The following TMEM63A variants were observed in gnomAD, a reference collection of about 807,000 sequenced individuals.
The protein encoded by TMEM63A is mechanosensitive cation channel TMEM63A.
Under a neutral mutation model 100.6 loss-of-function variants are expected in TMEM63A, and 76 were observed. The observed-to-expected ratio is 0.76, with a 90% CI of 0.63 to 0.91. The LOEUF (loss-of-function observed/expected upper bound fraction) is 0.91. TMEM63A is among the 40% of genes least tolerant of loss of function. The pLI is 0.00. For missense variants in TMEM63A, 876 were observed against 1,008.8 expected, an observed-to-expected ratio of 0.87 and a Z score of 1.78; for synonymous variants, 401 against 401.1, an observed-to-expected ratio of 1.00 and a Z score of 0.00.
chr1:225,882,004 C>A (rs1461838637), intron 1 of TMEM63A, among the ~76,000 whole-genome samples: 1 of 152,244 alleles, frequency 6.6e-6, no homozygotes, highest in Non-Finnish European at 1.5e-5. Context: ...AGGTCGGACT[C>A]CGCCGACAAA....
chr1:225,848,581 T>C (rs1469682621), intron 22 of TMEM63A, 27 bp from the exon 23 acceptor site: 1 of 1,613,212 alleles, frequency 6.2e-7, no homozygotes, highest in African/African-American at 1.3e-5. Flanking sequence ...AAACTTGCGA[T>C]GATAAACAAA....
At chr1:225,840,943 T>A (rs1037230919), downstream of TMEM63A, 2 of 151,040 alleles carry the variant, frequency 1.3e-5, no homozygotes, top group Non-Finnish European at 3.0e-5. Context: ...AAATACATGT[T>A]GTCAAAAAGC....
At position 225,879,425 on chromosome 1, in the gene TMEM63A, A is replaced by C. The variant is rs184630404; in HGVS notation, c.-205-15T>G. 6.6e-6 allele frequency: 1 copy of C among 152,616 alleles called. No homozygotes were observed. The highest frequency in any genetic ancestry group is 1.9e-4 in the East Asian group (1 of 5,182). The allele number at this position is 152,616 out of a possible 1,614,324, so 9.5% of individuals were successfully genotyped here. A position where few individuals can be genotyped will look rare whatever the true frequency, so the allele number is the denominator to read the frequency against. ...TGTAGACTTTCCTGAAGGATCACAGACACCAAGCATCACATGGGAGCCACC... is the reference window on the plus strand; with the variant it reads ...TGTAGACTTTCCTGAAGGATCACAGCCACCAAGCATCACATGGGAGCCACC... On this transcript the variant is annotated splice_polypyrimidine_tract_variant and intron_variant, in intron 1 of 24. Coordinates refer to ENST00000366835, the MANE Select transcript of TMEM63A (RefSeq NM_014698.3).
intron 23 of TMEM63A, among the ~76,000 whole-genome samples, chr1:225,847,818 C>T (rs750589627): frequency 6.6e-6 from 1 of 152,138 alleles, no homozygotes; most frequent in South Asian, 2.1e-4. Context: ...GGACAGACAC[C>T]GATAAGAGAG....
chr1:225,854,203 A>C (rs1669498461), intron 18 of TMEM63A, among the ~76,000 whole-genome samples: 1 of 152,226 alleles, frequency 6.6e-6, no homozygotes, highest in Non-Finnish European at 1.5e-5. Flanking sequence ...ACAGGATTCC[A>C]GGGAAAGGGA....
At chr1:225,847,283 C>T (rs1669062177) in intron 23 of TMEM63A, 70 bp from the exon 24 acceptor site, 1 of 1,551,974 alleles carries the variant, frequency 6.4e-7, no homozygotes, top group African/African-American at 1.4e-5. Context: ...TCCCCTCCTG[C>T]CCTTCTCCCA....
In TMEM63A at chr1:225,871,131, A is replaced by G; in HGVS notation, c.334-18T>C. The G allele has an allele frequency of 6.2e-7, 1 of 1,613,168 alleles. No individual in the cohort carries two copies. The highest frequency in any genetic ancestry group is 1.7e-4 in the Middle Eastern group (1 of 6,060). Reference sequence around the variant, plus strand: ...CAGCATCCCTGGAAACGGAGAGAACAGGGATTAGCTTCCAACATTTGTGTC... The same window carrying G: ...CAGCATCCCTGGAAACGGAGAGAACGGGGATTAGCTTCCAACATTTGTGTC... On this transcript the variant is annotated intron_variant, in intron 5 of 24. Transcript: ENST00000366835.
intron 6 of TMEM63A, among the ~76,000 whole-genome samples, chr1:225,869,024 G>A (rs1670360312): frequency 1.3e-5 from 2 of 152,248 alleles, no homozygotes; most frequent in South Asian, 4.1e-4. Flanking sequence ...GGCTGGGAAA[G>A]CAGTGCTTTG....
At chr1:225,871,021 C>T in intron 6 of TMEM63A, 55 bp downstream of exon 6, 1 of 1,598,784 alleles carries the variant, frequency 6.3e-7, no homozygotes, top group Non-Finnish European at 8.6e-7. Flanking sequence ...ACTGGCCAAA[C>T]ACCCAAAAAA....
Position 225,872,033 on chromosome 1 carries a change from A to G in TMEM63A, c.287T>C (p.Leu96Ser). The change falls in exon 5 of 25, where the codon TTG (leucine) becomes TCG (serine). Residue 96 changes from leucine (L) to serine (S), a missense_variant. By Grantham distance (145) the Leu-to-Ser change is moderately radical. Coordinates refer to ENST00000366835, the MANE Select transcript of TMEM63A (RefSeq NM_014698.3). ...EADSESRFQR[L>S]SSTSSSGQQD... The stretch of plus-strand genomic sequence containing the variant: ...TTGACCTGAGGAGGAAGTCGATGAC[A>G]ATCTCTGAAATCTGGACTCGCTAGA... 1.2e-6 allele frequency: 2 copies of G among 1,613,280 alleles called. No homozygotes were observed. Among genetic ancestry groups the G allele is most frequent in the African/African-American group, 1.3e-5 (1 of 74,982 alleles).
At chr1:225,877,916 G>A (rs1489619743) in intron 2 of TMEM63A, among the ~76,000 whole-genome samples, 2 of 152,122 alleles carry the variant, frequency 1.3e-5, no homozygotes, top group Non-Finnish European at 2.9e-5. Context: ...GTCTTAAGAA[G>A]TCCTAAAGTT....
chr1:225,881,868 C>T (rs1014215324), intron 1 of TMEM63A, among the ~76,000 whole-genome samples: 37 of 150,198 alleles, frequency 2.5e-4, no homozygotes, highest in African/African-American at 1.5e-4. Context: ...GAAGTGGTCA[C>T]CCAGGAACAG....
At position 225,871,072 on chromosome 1, in the gene TMEM63A, T is replaced by G. The variant is rs1007060618; in HGVS notation, c.371+4A>C. The G allele has an allele frequency of 5.6e-5, 90 of 1,613,886 alleles. No individual in the cohort carries two copies. Among genetic ancestry groups the G allele is most frequent in the Non-Finnish European group, 7.5e-5 (89 of 1,179,906 alleles). On this transcript the variant is annotated splice_donor_region_variant and intron_variant, in intron 6 of 24. Coordinates refer to ENST00000366835, the MANE Select transcript of TMEM63A (RefSeq NM_014698.3). ...CCCCAGCAGCTGCCCCCGGGTGTAC[T>G]CACTGCAGACGGAAGATGGCAGTCA...
At chr1:225,869,652 ATTTCT>A (rs1553492501) in intron 6 of TMEM63A, among the ~76,000 whole-genome samples, 2 of 122,128 alleles carry the variant, frequency 1.6e-5, no homozygotes, top group African/African-American at 3.3e-5. Context: ...TCATTTTCAT[ATTTCT>A]TTTCTTTTCT....
chr1:225,874,229 CATAT>C, intron 4 of TMEM63A, 55 bp downstream of exon 4: 1 of 1,510,484 alleles, frequency 6.6e-7, no homozygotes, highest in Non-Finnish European at 9.1e-7. Context: ...CACTCACGCA[CATAT>C]ACACACTCAC....
chr1:225,877,616 C>A, intron 2 of TMEM63A, 22 bp from the exon 3 acceptor site: 2 of 1,589,496 alleles, frequency 1.3e-6, no homozygotes, highest in East Asian at 2.3e-5. Context: ...GACAACAGGA[C>A]AAGGCAGACG....
intron 6 of TMEM63A, among the ~76,000 whole-genome samples, chr1:225,870,671 G>A (rs1373332931): frequency 6.6e-6 from 1 of 152,224 alleles, no homozygotes; most frequent in Non-Finnish European, 1.5e-5. Flanking sequence ...TAAATATTAA[G>A]TTGAATAATT....
At position 225,853,680 on chromosome 1, in the gene TMEM63A, G is replaced by A. The variant is rs1472337079; in HGVS notation, c.1746C>T (p.Thr582=). Residue 582 remains threonine (T), a synonymous_variant, in exon 19 of 25, where the codon ACC becomes ACT. Transcript: ENST00000366835. The surrounding 1 kb of genome is among the most constrained non-coding windows in gnomAD (Gnocchi z 4.0). ...CCGTCTTGGCCATGATCATGCGGAAGGTATAGAGGATGAGACCTGGCAGCC... is the reference window on the plus strand; with the variant it reads ...CCGTCTTGGCCATGATCATGCGGAAAGTATAGAGGATGAGACCTGGCAGCC... ...LLRLPGLILY[T]FRMIMAKTAA... 5.7e-6 allele frequency: 9 copies of A among 1,584,164 alleles called. No individual in the cohort carries two copies. The highest frequency in any genetic ancestry group is 7.7e-6 in the Non-Finnish European group (9 of 1,165,110).
At chr1:225,844,607 A>C, downstream of TMEM63A, 1 of 1,614,040 alleles carries the variant, frequency 6.2e-7, no homozygotes, top group African/African-American at 1.3e-5. Context: ...GGGCTGGATG[A>C]CCCAGAAGCA....
Sources: gnomAD v4.1 joint callset for allele counts (sites outside exome capture counted in the v4.1 genomes callset) on GRCh38, gnomAD v4.1.1 for gene constraint, Gnocchi (gnomAD v3.1) non-coding constraint, MANE v1.5 for transcripts, NCBI Gene and HGNC (gene_info 2026-07-23, HGNC 2026-07-21) for gene names.